TBCK: variants seen among roughly 807,000 people sequenced by gnomAD.
The protein encoded by TBCK is TBC1 domain containing kinase.
TBCK carries 99 observed loss-of-function variants against 113.4 expected under a neutral mutation model. That is an observed-to-expected ratio of 0.87 (90% CI 0.74 to 1.03). TBCK has a LOEUF of 1.03. Ranked by LOEUF, TBCK falls within the 50% of genes least tolerant of loss-of-function variation. The pLI is 0.00. For synonymous variants in TBCK, 369 were observed against 370.8 expected (o/e 1.00, Z 0.05); for missense variants, 1,045 against 1,061.3 (o/e 0.98, Z 0.21).
intron 23 of TBCK, among the ~76,000 whole-genome samples, chr4:106,170,185 T>C (rs970611090): frequency 1.3e-5 from 2 of 152,246 alleles, no homozygotes; most frequent in South Asian, 2.1e-4. Context: ...TGAATATTTC[T>C]AGTATTTGAG....
intron 3 of TBCK, among the ~76,000 whole-genome samples, chr4:106,288,915 A>G (rs1765392828): frequency 6.6e-6 from 1 of 152,258 alleles, no homozygotes; most frequent in African/African-American, 2.4e-5. Context: ...GGCTATGTGT[A>G]TAAGCTATCA....
intron 23 of TBCK, among the ~76,000 whole-genome samples, chr4:106,153,461 T>G (rs2149687129): frequency 6.6e-6 from 1 of 152,242 alleles, no homozygotes; most frequent in South Asian, 2.1e-4. Context: ...TTGCTTTGTC[T>G]TAAACATATG....
chr4:106,282,548 T>C (rs1358778122), intron 3 of TBCK, among the ~76,000 whole-genome samples: 1 of 152,154 alleles, frequency 6.6e-6, no homozygotes, highest in African/African-American at 2.4e-5. Flanking sequence ...GCTGTTAACT[T>C]CCCTTTTAAT....
At chr4:106,089,693 T>C (rs1209998764) in intron 25 of TBCK, among the ~76,000 whole-genome samples, 1 of 152,070 alleles carries the variant, frequency 6.6e-6, no homozygotes, top group Non-Finnish European at 1.5e-5. Context: ...AAGGGAGAAA[T>C]TGGCCAAAAG....
At chr4:106,162,273 C>T (rs961656743) in intron 23 of TBCK, among the ~76,000 whole-genome samples, 1 of 152,194 alleles carries the variant, frequency 6.6e-6, no homozygotes, top group Non-Finnish European at 1.5e-5. Flanking sequence ...GATGGGCACC[C>T]ATGGCCTTGG....
intron 24 of TBCK, among the ~76,000 whole-genome samples, chr4:106,106,671 A>G (rs1352869618): frequency 6.6e-6 from 1 of 152,222 alleles, no homozygotes; most frequent in Non-Finnish European, 1.5e-5. Flanking sequence ...GATCACTACC[A>G]GTGAATACAA....
intron 3 of TBCK, among the ~76,000 whole-genome samples, chr4:106,289,878 T>C (rs1436329659): frequency 6.6e-6 from 1 of 152,100 alleles, no homozygotes; most frequent in Non-Finnish European, 1.5e-5. Context: ...TCTCAATCAG[T>C]AAAACTCCTT....
chr4:106,198,207 C>T (rs1293375921), intron 20 of TBCK, among the ~76,000 whole-genome samples: 1 of 152,082 alleles, frequency 6.6e-6, no homozygotes, highest in Non-Finnish European at 1.5e-5. Context: ...GTTAGTTAAC[C>T]TCTGTGAATC....
Position 106,308,976 on chromosome 4 carries a change from T to A in TBCK, c.-16A>T. 7.5e-6 allele frequency: 12 copies of A among 1,601,094 alleles called. No individual in the cohort carries two copies. Among genetic ancestry groups the A allele is most frequent in the Non-Finnish European group, 1.0e-5 (12 of 1,174,310 alleles). On this transcript the variant is annotated 5_prime_UTR_variant, in exon 2 of 26. Coordinates refer to ENST00000394708, the MANE Select transcript of TBCK (RefSeq NM_001163435.3). ...GGGGAAACATTTTTGGAGTCCTAGG[T>A]CTTCTAAGATAATCTGGAAAAGGAG... is the stretch of plus-strand genomic sequence containing the variant.
chr4:106,243,543 T>A (rs1760414606), intron 11 of TBCK, among the ~76,000 whole-genome samples: 1 of 151,988 alleles, frequency 6.6e-6, no homozygotes, highest in African/African-American at 2.4e-5. Context: ...AAAGTTAACA[T>A]TTAAAAATCA....
intron 3 of TBCK, among the ~76,000 whole-genome samples, chr4:106,279,809 A>G (rs1469134400): frequency 6.6e-6 from 1 of 152,160 alleles, no homozygotes; most frequent in Admixed American, 6.5e-5. Context: ...TATATGTACC[A>G]TATTTTCTTT....
intron 3 of TBCK, among the ~76,000 whole-genome samples, chr4:106,277,324 C>T (rs1476066862): frequency 6.6e-6 from 1 of 151,940 alleles, no homozygotes; most frequent in African/African-American, 2.4e-5. Flanking sequence ...TCCTATAACA[C>T]AACAATTCTG....
intron 23 of TBCK, among the ~76,000 whole-genome samples, chr4:106,134,626 T>C (rs998526117): frequency 1.3e-5 from 2 of 152,218 alleles, no homozygotes; most frequent in African/African-American, 2.4e-5. Flanking sequence ...TAGGTTAGAG[T>C]AGTGGGCATT....
At chr4:106,149,093 T>C (rs1390084801) in intron 23 of TBCK, among the ~76,000 whole-genome samples, 1 of 152,192 alleles carries the variant, frequency 6.6e-6, no homozygotes, top group South Asian at 2.1e-4. Context: ...TTCTGTACCT[T>C]CCTGATCTCT....
intron 23 of TBCK, among the ~76,000 whole-genome samples, chr4:106,136,571 T>C (rs1179511911): frequency 1.4e-5 from 2 of 141,474 alleles, no homozygotes; most frequent in Non-Finnish European, 1.6e-5. Flanking sequence ...TGGTTCTACC[T>C]TTAGGAGGTA....
chr4:106,099,902 T>C (rs575161570), intron 24 of TBCK, among the ~76,000 whole-genome samples: 2 of 152,194 alleles, frequency 1.3e-5, no homozygotes, highest in East Asian at 3.8e-4. Flanking sequence ...TCTGAGAAAC[T>C]TTCTATGACT....
chr4:106,137,539 C>T lies in TBCK; in HGVS notation c.2236-21161G>A, dbSNP rs758800844. Among the ~76,000 whole-genome samples, 12 of 140,302 alleles carry T rather than the reference C, an allele frequency of 8.6e-5. 1 individual carries two copies. Among genetic ancestry groups the T allele is most frequent in the Non-Finnish European group, 1.5e-4 (9 of 61,782 alleles). 92.0% of individuals were successfully genotyped at this position (140,302 alleles called of 152,430 possible). A position where few individuals can be genotyped will look rare whatever the true frequency, so the allele number is the denominator to read the frequency against. On this transcript the variant is annotated intron_variant, in intron 23 of 25. Transcript: ENST00000394708. The stretch of plus-strand genomic sequence containing the variant: ...ATCAATCTACAAATATCATTTTGAT[C>T]CATATATTTAAAACAATAAATTGTT...
intron 20 of TBCK, among the ~76,000 whole-genome samples, chr4:106,209,418 C>T (rs544007369): frequency 1.3e-5 from 2 of 152,240 alleles, no homozygotes; most frequent in Non-Finnish European, 2.9e-5. Context: ...CCCTTTTGTA[C>T]TACTCCTGAA....
Position 106,062,704 on chromosome 4 carries a change from T to C in TBCK, c.2572-16024A>G, listed in dbSNP as rs376661860. ...AAATGGTGGGCTGTGGAGTACAGGGTGGGTATGTAGAATAACACATATTGA... is the reference window on the plus strand; with the variant it reads ...AAATGGTGGGCTGTGGAGTACAGGGCGGGTATGTAGAATAACACATATTGA... On this transcript the variant is annotated intron_variant, in intron 25 of 25. Coordinates refer to ENST00000394708, the MANE Select transcript of TBCK (RefSeq NM_001163435.3). Among the ~76,000 whole-genome samples the C allele has an allele frequency of 1.1e-4, 17 of 151,756 alleles. 1 individual carries two copies. The South Asian group carries it at 3.5e-3, about 32-fold the overall frequency.
Sources: gnomAD v4.1 joint callset for allele counts (sites outside exome capture counted in the v4.1 genomes callset) on GRCh38, gnomAD v4.1.1 for gene constraint, MANE v1.5 for transcripts, NCBI Gene and HGNC (gene_info 2026-07-23, HGNC 2026-07-21) for gene names.